MXI1: variants seen among roughly 807,000 people sequenced by gnomAD.
MXI1 encodes the protein max-interacting protein 1.
A neutral mutation model predicts 36.9 loss-of-function variants in MXI1; 18 were observed. That is an observed-to-expected ratio of 0.49 (90% CI 0.34 to 0.72). The LOEUF is 0.72. Ranked by LOEUF, MXI1 falls within the 30% of genes least tolerant of loss-of-function variation. MXI1 has a pLI of 0.01. For synonymous variants in MXI1, 160 were observed against 146.7 expected, an observed-to-expected ratio of 1.09 and a Z score of -0.65; for missense variants, 304 against 379.1, an observed-to-expected ratio of 0.80 and a Z score of 1.64.
rs10656872 is a variant in MXI1, at chr10:110,216,665, G to GTTTTTTTTTTTTTTTTTTTT, written c.274+8584_274+8603dup. Among the ~76,000 whole-genome samples, 746 of 79,018 alleles carry GTTTTTTTTTTTTTTTTTTTT rather than the reference G, an allele frequency of 9.4e-3. 101 individuals carry two copies. The highest frequency in any genetic ancestry group is 0.011 in the Non-Finnish European group (564 of 49,670). The allele number at this position is 79,018 out of a possible 152,430, so 51.8% of individuals were successfully genotyped here. A position where few individuals can be genotyped will look rare whatever the true frequency, so the allele number is the denominator to read the frequency against. The stretch of plus-strand genomic sequence containing the variant: ...CCTGTCTCCCCTATCTGTGTTTAAT[G>GTTTTTTTTTTTTTTTTTTTT]TTTTTTTTTTTTTTTTTTTTGGAGA... On this transcript the variant is annotated intron_variant, in intron 1 of 5. Transcript: ENST00000332674.
intron 3 of MXI1, among the ~76,000 whole-genome samples, chr10:110,256,880 C>T (rs1192937254): frequency 6.6e-6 from 1 of 152,050 alleles, no homozygotes; most frequent in East Asian, 1.9e-4. Context: ...ACAGATGGCT[C>T]AACACTTTGC....
intron 1 of MXI1, among the ~76,000 whole-genome samples, chr10:110,214,346 T>C (rs969868912): frequency 3.3e-5 from 5 of 152,140 alleles, no homozygotes; most frequent in Non-Finnish European, 7.3e-5. Context: ...CTTTTTTTCT[T>C]TTTTTGTCTT....
At chr10:110,228,410 T>C in intron 2 of MXI1, 89 bp downstream of exon 2, 1 of 1,505,602 alleles carries the variant, frequency 6.6e-7, no homozygotes. Flanking sequence ...CAGCACTTGA[T>C]GGGTTCCTTT....
Position 110,237,925 on chromosome 10 carries a change from C to T in MXI1, c.408-6903C>T, listed in dbSNP as rs151115864. ...TCAAGTAGCTAGGAGTACAGGCATG[C>T]GCTACAATGTCCAGCTGTTATGCTT... is the stretch of plus-strand genomic sequence containing the variant. On this transcript the variant is annotated intron_variant, in intron 2 of 5. Coordinates refer to ENST00000332674, the MANE Select transcript of MXI1 (RefSeq NM_130439.3). Among the ~76,000 whole-genome samples, 563 of 152,254 alleles carry T rather than the reference C, an allele frequency of 3.7e-3. 3 individuals are homozygous for T. The highest frequency in any genetic ancestry group is 5.9e-3 in the Non-Finnish European group (401 of 68,020).
intron 3 of MXI1, among the ~76,000 whole-genome samples, chr10:110,272,016 C>CT (rs1193521479): frequency 6.6e-6 from 1 of 152,186 alleles, no homozygotes; most frequent in Non-Finnish European, 1.5e-5. Flanking sequence ...CTTTGAGAGA[C>CT]ATAATCCCAG....
chr10:110,242,865 C>T (rs113450751), intron 2 of MXI1, among the ~76,000 whole-genome samples: 1 of 127,282 alleles, frequency 7.9e-6, no homozygotes, highest in Admixed American at 1.1e-4. Flanking sequence ...GGCAAATAGT[C>T]TGCTCTTCTC....
chr10:110,272,334 A>G (rs1856881350), intron 3 of MXI1, among the ~76,000 whole-genome samples: 1 of 152,264 alleles, frequency 6.6e-6, no homozygotes, highest in South Asian at 2.1e-4. Context: ...ATTTCACATA[A>G]GGAATACTCA....
chr10:110,207,965 G>C lies in MXI1; in HGVS notation c.157G>C (p.Asp53His). ...AGAKPRCPFS[D>H]IFNTSENSME... ...GGCCAAGCCCAGGTGCCCCTTCTCAGACATTTTCAACACCAGCGAGAACTC... is the reference window on the plus strand; with the variant it reads ...GGCCAAGCCCAGGTGCCCCTTCTCACACATTTTCAACACCAGCGAGAACTC... Residue 53 changes from aspartate (D) to histidine (H), a missense_variant, in exon 1 of 6, where the codon GAC (aspartate) becomes CAC (histidine). By Grantham distance (81) the Asp-to-His change is moderately conservative. Coordinates refer to ENST00000332674, the MANE Select transcript of MXI1 (RefSeq NM_130439.3). The C allele has an allele frequency of 6.3e-7, 1 of 1,599,196 alleles. No individual in the cohort carries two copies. The highest frequency in any genetic ancestry group is 8.5e-7 in the Non-Finnish European group (1 of 1,173,408).
rs1294647688 is a variant in MXI1 at position 110,228,198 on chromosome 10, A to G, written c.284A>G (p.His95Arg). The G allele has an allele frequency of 1.9e-6, 3 of 1,614,000 alleles. No individual in the cohort carries two copies. In the South Asian group the frequency reaches 3.3e-5, roughly 18 times the overall value. The change falls in exon 2 of 6, where the codon CAT (histidine) becomes CGT (arginine). Residue 95 changes from histidine (H) to arginine (R), a missense_variant. By Grantham distance (29) the His-to-Arg change is conservative. Transcript: ENST00000332674. Reference protein sequence around the residue: ...QIEKENKKCEHGYASSFPSMP... With the variant: ...QIEKENKKCERGYASSFPSMP... ...TTCTTGCTTTCTTCAGAGTGTGAAC[A>G]TGGCTACGCCTCTTCATTCCCGTCC...
chr10:110,286,164 ACACAC>A lies in MXI1; in HGVS notation c.*1178_*1182del, dbSNP rs1564729883. ...TTTAACCATCTGATATCTATAGTAG[ACACAC>A]TATCATAGTTAACATAGTAAGTTCA... On this transcript the variant is annotated 3_prime_UTR_variant, in exon 6 of 6. Transcript: ENST00000332674. The A allele has an allele frequency of 7.8e-6, 1 of 127,990 alleles. No individual in the cohort carries two copies. Among genetic ancestry groups the A allele is most frequent in the Non-Finnish European group, 1.7e-5 (1 of 60,184 alleles). The allele number at this position is 127,990 out of a possible 1,614,324, so 7.9% of individuals were successfully genotyped here.
chr10:110,284,731 A>G (rs1364423236), intron 5 of MXI1, 93 bp from the exon 6 acceptor site: 1 of 1,156,206 alleles, frequency 8.6e-7, no homozygotes, highest in East Asian at 2.6e-5. Flanking sequence ...GTTGTGTAAC[A>G]TTTCTTATAC....
intron 1 of MXI1, among the ~76,000 whole-genome samples, chr10:110,220,370 CTA>C (rs1004174212): frequency 2.2e-4 from 34 of 152,316 alleles, no homozygotes; most frequent in African/African-American, 8.2e-4. Flanking sequence ...AATCAAAACA[CTA>C]TTGCTGGAAG....
intron 1 of MXI1, 90 bp downstream of exon 1, chr10:110,208,172 C>T (rs1854409921): frequency 2.2e-6 from 3 of 1,349,770 alleles, no homozygotes; most frequent in African/African-American, 3.1e-5. Flanking sequence ...CGGCCCGTCC[C>T]CCCCCCGCCC....
chr10:110,262,477 A>G (rs539003333), intron 3 of MXI1, among the ~76,000 whole-genome samples: 15 of 152,252 alleles, frequency 9.9e-5, no homozygotes, highest in Non-Finnish European at 2.9e-5. Context: ...AAGAGATGTC[A>G]GATGGATACA....
At chr10:110,237,571 A>G (rs1047130961) in intron 2 of MXI1, among the ~76,000 whole-genome samples, 2 of 152,132 alleles carry the variant, frequency 1.3e-5, no homozygotes, top group Non-Finnish European at 2.9e-5. Flanking sequence ...TGCAGTACTG[A>G]TACTAACAAC....
chr10:110,229,603 T>G (rs1174479123), intron 2 of MXI1, among the ~76,000 whole-genome samples: 5 of 152,188 alleles, frequency 3.3e-5, no homozygotes, highest in Non-Finnish European at 7.3e-5. Flanking sequence ...AAGACTACTA[T>G]ATAGTTTTTA....
At chr10:110,280,654 TGGGCAACA>T (rs1364210910) in intron 5 of MXI1, among the ~76,000 whole-genome samples, 4 of 148,322 alleles carry the variant, frequency 2.7e-5, no homozygotes, top group African/African-American at 1.0e-4. Context: ...CGCTCCAGCC[TGGGCAACA>T]GAGTGAGGTT....
chr10:110,269,626 G>T (rs1856794753), intron 3 of MXI1, among the ~76,000 whole-genome samples: 1 of 152,146 alleles, frequency 6.6e-6, no homozygotes, highest in Non-Finnish European at 1.5e-5. Context: ...CTTGCATTTT[G>T]TACATAAAAT....
chr10:110,251,807 A>G (rs1022796716), intron 3 of MXI1, among the ~76,000 whole-genome samples: 3 of 152,306 alleles, frequency 2.0e-5, no homozygotes, highest in Admixed American at 2.0e-4. Context: ...GCAGGAATGT[A>G]GCATCATAAG....
Sources: allele counts gnomAD v4.1 joint callset (sites outside exome capture counted in the v4.1 genomes callset), GRCh38; gene constraint gnomAD v4.1.1; transcripts MANE v1.5; gene names NCBI Gene and HGNC (gene_info 2026-07-23, HGNC 2026-07-21).